Variants in STK26 observed in about 807,000 individuals in gnomAD.
STK26 encodes the protein serine/threonine-protein kinase 26.
STK26 carries 14 observed loss-of-function variants against 34.7 expected under a neutral mutation model. The observed-to-expected ratio is 0.40, with a 90% CI of 0.27 to 0.63. The LOEUF (loss-of-function observed/expected upper bound fraction) is 0.63. Ranked by LOEUF, STK26 falls within the 30% of genes least tolerant of loss-of-function variation. The pLI is 0.38. For missense variants in STK26, 226 were observed against 309.1 expected (o/e 0.73, Z 2.02); for synonymous variants, 100 against 109.8 (o/e 0.91, Z 0.56).
chrX:132,055,121 T>G (rs1416600360), intron 3 of STK26, among the ~76,000 whole-genome samples: 1 of 112,247 alleles, frequency 8.9e-6, no homozygotes, highest in East Asian at 2.8e-4. Context: ...CAGCTGGTCC[T>G]GGAGACATCT....
At chrX:132,064,918 GC>G (rs1927169870) in intron 4 of STK26, among the ~76,000 whole-genome samples, 1 of 111,600 alleles carries the variant, frequency 9.0e-6, no homozygotes, top group Non-Finnish European at 1.9e-5. Flanking sequence ...GTAACTCAAA[GC>G]TTCAAATAAT....
At chrX:132,055,475 A>C (rs1001784308) in intron 3 of STK26, 1 of 1,155,233 alleles carries the variant, frequency 8.7e-7, no homozygotes, top group African/African-American at 1.8e-5. Context: ...ATTAGCAGAC[A>C]CCTGAAGTTC....
intron 2 of STK26, among the ~76,000 whole-genome samples, chrX:132,037,013 T>A (rs1485873752): frequency 8.9e-6 from 1 of 112,022 alleles, no homozygotes; most frequent in East Asian, 2.8e-4. Context: ...TTTGAAAATG[T>A]CATTTAAGAA....
chrX:132,041,175 C>T (rs774926624), intron 2 of STK26, among the ~76,000 whole-genome samples: 20 of 111,274 alleles, frequency 1.8e-4, no homozygotes, highest in African/African-American at 6.5e-4. Context: ...AAGCTTTCAG[C>T]GGCTGCCTAC....
intron 2 of STK26, among the ~76,000 whole-genome samples, chrX:132,030,677 T>C (rs997162545): frequency 2.7e-5 from 3 of 110,254 alleles, no homozygotes; most frequent in African/African-American, 9.9e-5. Context: ...GTTTTTTTTT[T>C]GTTGCTAGAA....
In STK26 at chrX:132,072,882, A is replaced by G; in HGVS notation, c.1089+7A>G. The G allele has an allele frequency of 8.3e-7, 1 of 1,209,388 alleles. No individual in the cohort carries two copies. The highest frequency in any genetic ancestry group is 1.1e-6 in the Non-Finnish European group (1 of 893,363). ...CACACCTGCATTTGCTGAAGTAAGT[A>G]CAGATTAATTAGCCTTGGATATCTG... On this transcript the variant is annotated splice_region_variant and intron_variant, in intron 10 of 11. Coordinates refer to ENST00000394334, the MANE Select transcript of STK26 (RefSeq NM_016542.4).
In STK26 at chrX:132,023,680, C is replaced by T. The variant is rs940567829; in HGVS notation, c.42+21C>T. Reference sequence around the variant, plus strand: ...TGCAGGTGAGGAAGCGCAGGCCGCCCCCGCCGCCCACGTGACTGCTTGGGA... The same window carrying T: ...TGCAGGTGAGGAAGCGCAGGCCGCCTCCGCCGCCCACGTGACTGCTTGGGA... On this transcript the variant is annotated intron_variant, in intron 2 of 11. Transcript: ENST00000394334. 9 of 1,172,905 alleles carry T rather than the reference C, an allele frequency of 7.7e-6. No homozygotes were observed. In the African/African-American group the frequency reaches 1.4e-4, roughly 18 times the overall value.
chrX:132,026,636 A>G (rs770943194), intron 2 of STK26, among the ~76,000 whole-genome samples: 2 of 112,600 alleles, frequency 1.8e-5, no homozygotes, highest in African/African-American at 3.2e-5. Context: ...CTACAATAGT[A>G]TTTTTGAGGA....
chrX:132,049,103 T>C (rs910721455), intron 2 of STK26, among the ~76,000 whole-genome samples: 2 of 111,418 alleles, frequency 1.8e-5, no homozygotes, highest in African/African-American at 6.5e-5. Flanking sequence ...CTCAGTGTGC[T>C]GAGTAGCTGG....
At chrX:132,054,570 T>TA (rs869066382) in intron 2 of STK26, 61 bp from the exon 3 acceptor site, 1 of 1,028,532 alleles carries the variant, frequency 9.7e-7, no homozygotes, top group Non-Finnish European at 1.3e-6. Context: ...TTTCCTTCAT[T>TA]AAAAAAATTT....
chrX:132,054,195 T>C (rs752041977), intron 2 of STK26, among the ~76,000 whole-genome samples: 5 of 112,359 alleles, frequency 4.5e-5, no homozygotes, highest in Non-Finnish European at 7.5e-5. Flanking sequence ...GATTGGGATA[T>C]CCGAGTTGGA....
intron 3 of STK26, 75 bp from the exon 4 acceptor site, chrX:132,063,358 T>G: frequency 1.9e-4 from 169 of 903,600 alleles, no homozygotes; most frequent in Non-Finnish European, 2.4e-4. Flanking sequence ...CTTTAGTATG[T>G]GAGATTTAAC....
At chrX:132,038,412 T>A (rs1358352421) in intron 2 of STK26, among the ~76,000 whole-genome samples, 8 of 111,490 alleles carry the variant, frequency 7.2e-5, no homozygotes. Flanking sequence ...AAGAGTCTTT[T>A]TCGTTGGTAG....
intron 2 of STK26, among the ~76,000 whole-genome samples, chrX:132,028,039 T>TTA (rs1367884826): frequency 2.0e-5 from 2 of 102,167 alleles, no homozygotes; most frequent in Non-Finnish European, 4.0e-5. Flanking sequence ...TGGTTTTTTT[T>TTA]TTTTTTTTTT....
At chrX:132,054,435 A>G (rs1275054680) in intron 2 of STK26, among the ~76,000 whole-genome samples, 196 bp from the exon 3 acceptor site, 1 of 112,370 alleles carries the variant, frequency 8.9e-6, no homozygotes, top group African/African-American at 3.2e-5. Flanking sequence ...GTTAGTGTGT[A>G]TGATTCACTA....
rs1345975479 is a variant in STK26 at position 132,072,865 on chromosome X, C to T, written c.1079C>T (p.Ala360Val). 8.3e-7 allele frequency: 1 copy of T among 1,210,536 alleles called. No homozygotes were observed. The highest frequency in any genetic ancestry group is 3.0e-5 in the East Asian group (1 of 33,838). ...TGTTTGTCTATGATAATCACACCTGCATTTGCTGAAGTAAGTACAGATTAA... is the reference window on the plus strand; with the variant it reads ...TGTTTGTCTATGATAATCACACCTGTATTTGCTGAAGTAAGTACAGATTAA... ...LSCLSMIITP[A>V]FAELKQQDEN... Residue 360 changes from alanine to valine, a missense_variant, in exon 10 of 12, where the codon GCA (alanine) becomes GTA (valine). Physicochemically the swap from Ala to Val is moderately conservative, Grantham distance 64. This residue lies in a region of STK26 where 126 missense variants were observed against 132.4 expected (regional missense o/e 0.95). Coordinates refer to ENST00000394334, the MANE Select transcript of STK26 (RefSeq NM_016542.4).
chrX:132,047,118 T>C (rs765577695), intron 2 of STK26, among the ~76,000 whole-genome samples: 1 of 112,279 alleles, frequency 8.9e-6, no homozygotes, highest in South Asian at 3.7e-4. Context: ...TTTATCTTAG[T>C]TCTTATTCTG....
chrX:132,038,023 C>T (rs747190351), intron 2 of STK26, among the ~76,000 whole-genome samples: 2 of 110,151 alleles, frequency 1.8e-5, no homozygotes, highest in Admixed American at 2.0e-4. Context: ...TATGGATCTT[C>T]TATCTGCTGA....
At position 132,064,121 on chromosome X, in the gene STK26, C is replaced by G. The variant is rs765828976; in HGVS notation, c.330+632C>G. Among the ~76,000 whole-genome samples, 4 of 111,593 alleles carry G rather than the reference C, an allele frequency of 3.6e-5. No homozygotes were observed. In the East Asian group the frequency reaches 8.5e-4, roughly 24 times the overall value. On this transcript the variant is annotated intron_variant, in intron 4 of 11. Transcript: ENST00000394334. ...CTTTACCAGACTCGAATCTGCCAGC[C>G]CCTTGATCTTGGACTTCTTTCCCAG...
Sources: gnomAD v4.1 joint callset for allele counts (sites outside exome capture counted in the v4.1 genomes callset) on GRCh38, gnomAD v4.1.1 for gene constraint, gnomAD v4.1.1 regional missense constraint, MANE v1.5 for transcripts, NCBI Gene and HGNC (gene_info 2026-07-23, HGNC 2026-07-21) for gene names.